Variants in CACNA2D3 observed in about 807,000 individuals in gnomAD.
CACNA2D3 encodes voltage-dependent calcium channel subunit alpha-2/delta-3.
In CACNA2D3, 60 loss-of-function variants were observed where a neutral mutation model predicts 160.6. That is an observed-to-expected ratio of 0.37 (90% CI 0.30 to 0.46). The LOEUF is 0.46. CACNA2D3 is among the 20% of genes least tolerant of loss of function. CACNA2D3 has a pLI of 1.00. For synonymous variants in CACNA2D3, 558 were observed against 492.9 expected, an observed-to-expected ratio of 1.13 and a Z score of -1.75; for missense variants, 1,205 against 1,365.0, an observed-to-expected ratio of 0.88 and a Z score of 1.85.
chr3:54,158,212 C>T (rs1208842946), intron 2 of CACNA2D3, among the ~76,000 whole-genome samples: 1 of 152,170 alleles, frequency 6.6e-6, no homozygotes, highest in Non-Finnish European at 1.5e-5. Context: ...GGTGTATTTT[C>T]GAGCAGCAGC....
intron 9 of CACNA2D3, among the ~76,000 whole-genome samples, chr3:54,600,062 T>C (rs1024629552): frequency 2.0e-5 from 3 of 152,200 alleles, no homozygotes; most frequent in Admixed American, 2.0e-4. Context: ...GACTGGAGGT[T>C]GGAGCTGAAG....
At chr3:54,904,384 G>C (rs1700408070) in intron 27 of CACNA2D3, among the ~76,000 whole-genome samples, 1 of 152,072 alleles carries the variant, frequency 6.6e-6, no homozygotes, top group Non-Finnish European at 1.5e-5. Context: ...GGCCCTGCAG[G>C]AGACTTCTTC....
intron 13 of CACNA2D3, among the ~76,000 whole-genome samples, chr3:54,811,808 G>T (rs372193340): frequency 7.9e-5 from 12 of 152,118 alleles, no homozygotes; most frequent in African/African-American, 1.9e-4. Flanking sequence ...GCCTCTGTCA[G>T]TTCTTATCTA....
chr3:54,686,791 A>G (rs1039463519), intron 11 of CACNA2D3, among the ~76,000 whole-genome samples: 1 of 152,180 alleles, frequency 6.6e-6, no homozygotes, highest in Non-Finnish European at 1.5e-5. Context: ...TAAAAAAACA[A>G]GTATTATGGA....
At chr3:54,562,438 C>A (rs536636281) in intron 5 of CACNA2D3, among the ~76,000 whole-genome samples, 16 of 152,240 alleles carry the variant, frequency 1.1e-4, no homozygotes, top group African/African-American at 3.9e-4. Flanking sequence ...CGAGTTTTGG[C>A]TCCGTAGGGG....
At chr3:54,882,437 G>T (rs1466288189) in intron 21 of CACNA2D3, among the ~76,000 whole-genome samples, 4 of 152,096 alleles carry the variant, frequency 2.6e-5, no homozygotes, top group Admixed American at 6.5e-5. Context: ...ACACACAGTT[G>T]TTTTGCATTG....
At chr3:54,511,648 G>A (rs1031325934) in intron 5 of CACNA2D3, among the ~76,000 whole-genome samples, 1 of 152,136 alleles carries the variant, frequency 6.6e-6, no homozygotes, top group Non-Finnish European at 1.5e-5. Context: ...CTCGCAGTTG[G>A]ATAGGAGCTG....
chr3:54,341,003 C>A (rs771118925), intron 3 of CACNA2D3, among the ~76,000 whole-genome samples: 1 of 152,220 alleles, frequency 6.6e-6, no homozygotes, highest in African/African-American at 2.4e-5. Flanking sequence ...TGAAGCTTCA[C>A]GCCTGCTGTC....
chr3:54,359,598 C>T (rs763806797), intron 3 of CACNA2D3, among the ~76,000 whole-genome samples: 43 of 152,222 alleles, frequency 2.8e-4, no homozygotes, highest in South Asian at 2.1e-4. Context: ...AAGTTCCAGG[C>T]GACACTCAGT....
intron 13 of CACNA2D3, among the ~76,000 whole-genome samples, chr3:54,775,223 G>A (rs539250929): frequency 2.0e-5 from 3 of 152,220 alleles, no homozygotes; most frequent in South Asian, 2.1e-4. Context: ...AGACCGAGAA[G>A]TACCAGAGTC....
intron 27 of CACNA2D3, among the ~76,000 whole-genome samples, chr3:54,931,800 A>G (rs527985686): frequency 1.3e-5 from 2 of 152,352 alleles, no homozygotes; most frequent in South Asian, 2.1e-4. Context: ...TGAAAAATCA[A>G]TGATTATTAA....
At chr3:54,927,316 G>C (rs1436056517) in intron 27 of CACNA2D3, among the ~76,000 whole-genome samples, 1 of 152,162 alleles carries the variant, frequency 6.6e-6, no homozygotes, top group Non-Finnish European at 1.5e-5. Flanking sequence ...AAGGGATGCA[G>C]AACATCACAG....
intron 2 of CACNA2D3, among the ~76,000 whole-genome samples, chr3:54,315,791 G>T (rs1375601994): frequency 6.6e-6 from 1 of 152,116 alleles, no homozygotes; most frequent in Non-Finnish European, 1.5e-5. Flanking sequence ...ATACACACAG[G>T]ACTCATTTTA....
chr3:55,024,725 G>T (rs1001051773), intron 35 of CACNA2D3, among the ~76,000 whole-genome samples: 4 of 152,188 alleles, frequency 2.6e-5, no homozygotes, highest in Admixed American at 1.3e-4. Context: ...AGCCTGAATA[G>T]ATGGAAACAC....
At chr3:54,467,422 A>G (rs1431314801) in intron 4 of CACNA2D3, among the ~76,000 whole-genome samples, 2 of 152,360 alleles carry the variant, frequency 1.3e-5, no homozygotes, top group Admixed American at 1.3e-4. Context: ...GGGATTGCCA[A>G]GTAACAGATA....
chr3:55,038,202 C>T (rs1703873100), intron 35 of CACNA2D3, among the ~76,000 whole-genome samples: 7 of 152,172 alleles, frequency 4.6e-5, no homozygotes, highest in Admixed American at 4.6e-4. Context: ...AGATTGAAAT[C>T]CATGCTAAGA....
At chr3:54,256,780 C>G (rs1045767166) in intron 2 of CACNA2D3, among the ~76,000 whole-genome samples, 4 of 146,420 alleles carry the variant, frequency 2.7e-5, no homozygotes, top group Non-Finnish European at 4.5e-5. Flanking sequence ...AAAAAAACCA[C>G]TGTAAGAGCA....
intron 12 of CACNA2D3, among the ~76,000 whole-genome samples, chr3:54,761,652 C>T (rs994019471): frequency 6.6e-6 from 1 of 152,198 alleles, no homozygotes; most frequent in African/African-American, 2.4e-5. Flanking sequence ...GCCCTGCTCC[C>T]AGGTCTCAAA....
chr3:54,632,132 C>G (rs552642429), intron 10 of CACNA2D3: 3 of 152,214 alleles, frequency 2.0e-5, no homozygotes, highest in Non-Finnish European at 4.4e-5. Context: ...TATTACTCAT[C>G]AAACCATTTG....
Sources: gnomAD v4.1 joint callset for allele counts (sites outside exome capture counted in the v4.1 genomes callset) on GRCh38, gnomAD v4.1.1 for gene constraint, MANE v1.5 for transcripts, NCBI Gene and HGNC (gene_info 2026-07-23, HGNC 2026-07-21) for gene names.